Variants in SLC5A12 observed in about 807,000 individuals in gnomAD.
SLC5A12 encodes solute carrier family 5 member 12, also known as sodium-coupled monocarboxylate transporter 2.
Under a neutral mutation model 72.7 loss-of-function variants are expected in SLC5A12, and 46 were observed. The ratio of observed to expected loss-of-function variants is 0.63; its 90% CI spans 0.50 to 0.81. SLC5A12 has a LOEUF of 0.81. SLC5A12 is among the 30% of genes least tolerant of loss of function. The probability of loss-of-function intolerance (pLI) is 0.00; values close to 1 mark genes in which losing one functional copy is unlikely to be tolerated. For synonymous variants in SLC5A12, 275 were observed against 264.4 expected (o/e 1.04, Z -0.39); for missense variants, 683 against 740.7 (o/e 0.92, Z 0.90).
intron 6 of SLC5A12, among the ~76,000 whole-genome samples, chr11:26,700,926 C>T (rs759463629): frequency 2.6e-5 from 4 of 152,164 alleles, no homozygotes; most frequent in Admixed American, 6.6e-5. Context: ...TTTTTACTTA[C>T]CTATTTTGCA....
chr11:26,671,594 G>A (rs1854145732), intron 14 of SLC5A12, among the ~76,000 whole-genome samples: 1 of 151,986 alleles, frequency 6.6e-6, no homozygotes, highest in South Asian at 2.1e-4. Context: ...TATGGGGATG[G>A]CCCCCTTCCT....
At chr11:26,686,081 C>T (rs562769174) in intron 10 of SLC5A12, among the ~76,000 whole-genome samples, 1 of 152,250 alleles carries the variant, frequency 6.6e-6, no homozygotes, top group African/African-American at 2.4e-5. Flanking sequence ...ATCTAGGACT[C>T]TGCCCAGAAC....
intron 2 of SLC5A12, 117 bp from the exon 3 acceptor site, chr11:26,711,475 T>C (rs1855227960): frequency 6.4e-6 from 5 of 786,386 alleles, no homozygotes; most frequent in Non-Finnish European, 1.1e-5. Context: ...TCATGAAACA[T>C]TGCATTCCTG....
rs1359255281 is a variant in SLC5A12, at chr11:26,667,464, A to G, written c.*3638T>C. ...CTTTAGAATGAAATGGTGTAACCCTATAAAGCCACAAAATAGTAAAGTTCA... is the reference window on the plus strand; with the variant it reads ...CTTTAGAATGAAATGGTGTAACCCTGTAAAGCCACAAAATAGTAAAGTTCA... On this transcript the variant is annotated 3_prime_UTR_variant, in exon 15 of 15. Transcript: ENST00000396005. 1 of 151,986 alleles carries G rather than the reference A, an allele frequency of 6.6e-6. No homozygotes were observed. The highest frequency in any genetic ancestry group is 1.5e-5 in the Non-Finnish European group (1 of 67,894). 9.4% of individuals were successfully genotyped at this position (151,986 alleles called of 1,614,324 possible).
rs542300510 is a variant in SLC5A12, at chr11:26,709,438, T to C, written c.458-59A>G. On this transcript the variant is annotated intron_variant, in intron 3 of 14. Transcript: ENST00000396005. Reference sequence around the variant, plus strand: ...TCCTTCAAAAAATTAAAAGAGCAAGTTTTATGAGGAAAAAGACACAATATT... The same window carrying C: ...TCCTTCAAAAAATTAAAAGAGCAAGCTTTATGAGGAAAAAGACACAATATT... The C allele has an allele frequency of 4.7e-6, 6 of 1,280,538 alleles. No individual in the cohort carries two copies. The East Asian group carries it at 1.5e-4, about 31-fold the overall frequency. The allele number at this position is 1,280,538 out of a possible 1,614,324, so 79.3% of individuals were successfully genotyped here.
intron 11 of SLC5A12, among the ~76,000 whole-genome samples, chr11:26,682,426 G>A (rs1159564857): frequency 6.6e-6 from 1 of 152,116 alleles, no homozygotes; most frequent in African/African-American, 2.4e-5. Context: ...ATAATGGCTA[G>A]CTGGAGAGCC....
intron 6 of SLC5A12, among the ~76,000 whole-genome samples, chr11:26,701,667 G>A (rs1435289511): frequency 6.6e-6 from 1 of 151,984 alleles, no homozygotes. Context: ...TTTCTTGTTG[G>A]AAATTTCCTA....
intron 13 of SLC5A12, among the ~76,000 whole-genome samples, chr11:26,677,161 A>T (rs1000530291): frequency 6.6e-6 from 1 of 151,882 alleles, no homozygotes; most frequent in Non-Finnish European, 1.5e-5. Flanking sequence ...CATGTTCAAA[A>T]ATTTTTCCAA....
intron 4 of SLC5A12, among the ~76,000 whole-genome samples, chr11:26,704,350 C>T (rs1023349164): frequency 9.2e-5 from 14 of 152,026 alleles, no homozygotes; most frequent in East Asian, 1.9e-4. Context: ...CAAACAGAAG[C>T]GGGAACCAGC....
At chr11:26,719,343 C>T (rs781769144) in intron 1 of SLC5A12, among the ~76,000 whole-genome samples, 3 of 152,148 alleles carry the variant, frequency 2.0e-5, no homozygotes, top group African/African-American at 4.8e-5. Flanking sequence ...AGTGAAATTA[C>T]TCATTGTATA....
At chr11:26,671,362 A>C in intron 14 of SLC5A12, 111 bp from the exon 15 acceptor site, 1 of 837,906 alleles carries the variant, frequency 1.2e-6, no homozygotes, top group Non-Finnish European at 1.8e-6. Flanking sequence ...ATATGTACAA[A>C]AGAAGCATAA....
intron 1 of SLC5A12, 145 bp downstream of exon 1, chr11:26,721,231 G>A: frequency 1.5e-6 from 1 of 661,256 alleles, no homozygotes; most frequent in Non-Finnish European, 2.5e-6. Context: ...TGTCTCCAAA[G>A]CTTAGGCTTT....
At position 26,686,532 on chromosome 11, in the gene SLC5A12, C is replaced by A; in HGVS notation, c.1166G>T (p.Gly389Val). The change falls in exon 10 of 15, where the codon GGC becomes GTC. Residue 389 changes from glycine (G) to valine (V), a missense_variant. Gly to Val is a moderately radical substitution (Grantham distance 109). Coordinates refer to ENST00000396005, the MANE Select transcript of SLC5A12 (RefSeq NM_178498.4). ...WISKGLCLLFGVMCTSMAVAA... is the reference protein window; with the variant it reads ...WISKGLCLLFVVMCTSMAVAA... ...CACAGCCATAGAGGTACACATCACG[C>A]CAAATAAGAGACCTGAAAGAAAGAA... 1 of 1,613,784 alleles carries A rather than the reference C, an allele frequency of 6.2e-7. No individual in the cohort carries two copies. Among genetic ancestry groups the A allele is most frequent in the East Asian group, 2.2e-5 (1 of 44,844 alleles).
At position 26,673,509 on chromosome 11, in the gene SLC5A12, T is replaced by C. The variant is rs1181201818; in HGVS notation, c.1600A>G (p.Ile534Val). The change falls in exon 14 of 15, where the codon ATT (isoleucine) becomes GTT (valine). Residue 534 changes from isoleucine (I) to valine (V), a missense_variant. Ile to Val is a conservative substitution (Grantham distance 29, BLOSUM62 3). Coordinates refer to ENST00000396005, the MANE Select transcript of SLC5A12 (RefSeq NM_178498.4). ...LITGRQRGEDIQPLLIRPVCN... is the reference protein window; with the variant it reads ...LITGRQRGEDVQPLLIRPVCN... ...ACTGGTCTAATTAACAGTGGTTGAATATCCTCACCTCTTTGGCGACCTATT... is the reference window on the plus strand; with the variant it reads ...ACTGGTCTAATTAACAGTGGTTGAACATCCTCACCTCTTTGGCGACCTATT... 6.2e-7 allele frequency: 1 copy of C among 1,608,964 alleles called. No individual in the cohort carries two copies. The highest frequency in any genetic ancestry group is 8.5e-7 in the Non-Finnish European group (1 of 1,177,748).
intron 14 of SLC5A12, among the ~76,000 whole-genome samples, chr11:26,671,857 T>G (rs959541408): frequency 6.6e-6 from 1 of 152,136 alleles, no homozygotes; most frequent in Non-Finnish European, 1.5e-5. Flanking sequence ...TAGAACTTCC[T>G]CAAAATTCAT....
rs1347372907 is a variant in SLC5A12, at chr11:26,697,263, G to C, written c.952-11C>G. The C allele has an allele frequency of 1.3e-6, 2 of 1,585,258 alleles. No homozygotes were observed. Among genetic ancestry groups the C allele is most frequent in the Admixed American group, 3.7e-5 (2 of 53,654 alleles). On this transcript the variant is annotated splice_polypyrimidine_tract_variant and intron_variant, in intron 7 of 14. Coordinates refer to ENST00000396005, the MANE Select transcript of SLC5A12 (RefSeq NM_178498.4). ...AAAGTACGGCATCAGCTGAAGAGGA[G>C]GCAAAACATAAAAAAATAAATAAAA...
intron 3 of SLC5A12, 25 bp downstream of exon 3, chr11:26,711,282 T>C (rs746603251): frequency 1.2e-6 from 2 of 1,602,568 alleles, no homozygotes; most frequent in Non-Finnish European, 8.5e-7. Flanking sequence ...TGGTAAAATA[T>C]GCCAAGAGAA....
chr11:26,674,796 A>G (rs4244525), intron 13 of SLC5A12, among the ~76,000 whole-genome samples: 73,821 of 152,022 alleles, frequency 0.49, 19,196 homozygotes, highest in Middle Eastern at 0.63. Context: ...GGCCACATAG[A>G]ATTCTACTAC....
intron 14 of SLC5A12, among the ~76,000 whole-genome samples, chr11:26,672,542 T>C (rs185989200): frequency 6.6e-6 from 1 of 152,196 alleles, no homozygotes. Context: ...AGCTTTGTGG[T>C]CATTTTCTGC....
Sources: gnomAD v4.1 joint callset for allele counts (sites outside exome capture counted in the v4.1 genomes callset) on GRCh38, gnomAD v4.1.1 for gene constraint, MANE v1.5 for transcripts, NCBI Gene and HGNC (gene_info 2026-07-23, HGNC 2026-07-21) for gene names.